The following PHACTR3 variants were observed in gnomAD, a reference collection of about 807,000 sequenced individuals.
PHACTR3 encodes protein phosphatase 1, regulatory subunit 123.
Under a neutral mutation model 66.8 loss-of-function variants are expected in PHACTR3, and 16 were observed. That is an observed-to-expected ratio of 0.24 (90% CI 0.16 to 0.36). The LOEUF (loss-of-function observed/expected upper bound fraction) is 0.36. Ranked by LOEUF, PHACTR3 falls within the 10% of genes least tolerant of loss-of-function variation. The pLI is 1.00. For synonymous variants in PHACTR3, 323 were observed against 292.1 expected (o/e 1.11, Z -1.08); for missense variants, 647 against 719.9 (o/e 0.90, Z 1.16).
intron 1 of PHACTR3, among the ~76,000 whole-genome samples, chr20:59,730,238 A>T (rs2038715136): frequency 6.6e-6 from 1 of 152,214 alleles, no homozygotes; most frequent in Non-Finnish European, 1.5e-5. Flanking sequence ...TGGAAAAATA[A>T]CAGGAAACCT....
At chr20:59,825,556 G>A (rs1008339814) in intron 8 of PHACTR3, among the ~76,000 whole-genome samples, 1 of 152,132 alleles carries the variant, frequency 6.6e-6, no homozygotes, top group Non-Finnish European at 1.5e-5. Flanking sequence ...TACCATTGAG[G>A]TACTCAAAAC....
At chr20:59,628,646 G>T in intron 1 of PHACTR3, 1 of 985,438 alleles carries the variant, frequency 1.0e-6, no homozygotes. Context: ...GAGAGGATCA[G>T]TTCATTCTCC....
At chr20:59,592,215 C>T (rs1259420484) in intron 1 of PHACTR3, among the ~76,000 whole-genome samples, 1 of 152,168 alleles carries the variant, frequency 6.6e-6, no homozygotes, top group East Asian at 1.9e-4. Flanking sequence ...CATGCTCTTT[C>T]CTTAGAGAGC....
chr20:59,789,905 T>C (rs1313652652), intron 7 of PHACTR3, among the ~76,000 whole-genome samples: 1 of 152,214 alleles, frequency 6.6e-6, no homozygotes, highest in Non-Finnish European at 1.5e-5. Context: ...CGACTGCCAA[T>C]CCTGGCTTGC....
chr20:59,779,087 C>A (rs550725550), intron 7 of PHACTR3, among the ~76,000 whole-genome samples: 1 of 152,300 alleles, frequency 6.6e-6, no homozygotes, highest in Non-Finnish European at 1.5e-5. Flanking sequence ...CTGAGAAACT[C>A]CTTGTTGAGG....
intron 1 of PHACTR3, among the ~76,000 whole-genome samples, chr20:59,615,130 C>T (rs2033986026): frequency 1.3e-5 from 2 of 152,018 alleles, no homozygotes; most frequent in African/African-American, 4.8e-5. Context: ...GTGTTCTTTC[C>T]AATCAAGCTT....
chr20:59,809,032 GATCTGAATGTT>G (rs757381857), intron 8 of PHACTR3, among the ~76,000 whole-genome samples: 44 of 152,208 alleles, frequency 2.9e-4, no homozygotes, highest in Non-Finnish European at 5.9e-4. Context: ...GAGAATCCAT[GATCTGAATGTT>G]GGACTCCCGC....
chr20:59,584,800 G>A (rs950547262), intron 1 of PHACTR3, among the ~76,000 whole-genome samples: 2 of 152,144 alleles, frequency 1.3e-5, no homozygotes, highest in Admixed American at 6.5e-5. Context: ...GCGAGACCTC[G>A]TCTGTGAAGC....
chr20:59,828,607 G>T (rs527753444), intron 8 of PHACTR3, among the ~76,000 whole-genome samples: 1 of 152,216 alleles, frequency 6.6e-6, no homozygotes, highest in Non-Finnish European at 1.5e-5. Flanking sequence ...CTGCGGACCC[G>T]TGTGAGGAGA....
intron 1 of PHACTR3, among the ~76,000 whole-genome samples, chr20:59,688,714 G>A (rs1272976413): frequency 1.3e-5 from 2 of 151,294 alleles, no homozygotes; most frequent in Non-Finnish European, 2.9e-5. Flanking sequence ...TTACATTTTT[G>A]TAAGCTGTGT....
chr20:59,640,509 C>T (rs1012306708), intron 1 of PHACTR3, among the ~76,000 whole-genome samples: 5 of 151,994 alleles, frequency 3.3e-5, no homozygotes, highest in African/African-American at 4.8e-5. Context: ...TGGGGAGGGG[C>T]GGGGACTGTA....
At chr20:59,583,756 C>T (rs1009605244) in intron 1 of PHACTR3, among the ~76,000 whole-genome samples, 1 of 152,174 alleles carries the variant, frequency 6.6e-6, no homozygotes, top group African/African-American at 2.4e-5. Flanking sequence ...ATGGGAGGAC[C>T]GGGGGTCTGG....
chr20:59,599,339 C>T (rs566638265), intron 1 of PHACTR3, among the ~76,000 whole-genome samples: 1 of 152,230 alleles, frequency 6.6e-6, no homozygotes, highest in Admixed American at 6.5e-5. Flanking sequence ...TGCCACCATC[C>T]AGGTCCTTGG....
At chr20:59,749,300 T>TA (rs61477495) in intron 3 of PHACTR3, among the ~76,000 whole-genome samples, 13,531 of 152,004 alleles carry the variant, frequency 0.089, 1,145 homozygotes, top group East Asian at 0.35. Flanking sequence ...TCATCTATTC[T>TA]AAAAAAAACA....
chr20:59,605,226 C>A, intron 1 of PHACTR3, 94 bp downstream of exon 1: 1 of 902,898 alleles, frequency 1.1e-6, no homozygotes, highest in Non-Finnish European at 1.5e-6. Context: ...GCCCCGCCTG[C>A]ATTCGGGGAG....
chr20:59,704,958 C>CTT (rs552743155), intron 1 of PHACTR3, among the ~76,000 whole-genome samples: 23 of 139,908 alleles, frequency 1.6e-4, no homozygotes, highest in African/African-American at 4.5e-4. Flanking sequence ...AAGACTTTCT[C>CTT]TTTTTTTTTT....
At chr20:59,720,990 A>G (rs760453534) in intron 1 of PHACTR3, among the ~76,000 whole-genome samples, 27 of 152,322 alleles carry the variant, frequency 1.8e-4, no homozygotes, top group Non-Finnish European at 2.9e-4. Context: ...CACGGTGCTT[A>G]GAAAAATGGA....
intron 1 of PHACTR3, among the ~76,000 whole-genome samples, chr20:59,720,777 A>G (rs894420791): frequency 2.0e-5 from 3 of 152,254 alleles, no homozygotes; most frequent in Admixed American, 6.5e-5. Flanking sequence ...CGCAGATTCC[A>G]GAAGGAACTG....
chr20:59,689,726 C>A (rs1430359066), intron 1 of PHACTR3, among the ~76,000 whole-genome samples: 1 of 152,138 alleles, frequency 6.6e-6, no homozygotes, highest in African/African-American at 2.4e-5. Context: ...GGGAGGGCAC[C>A]AACCTCTACC....
Sources: allele counts gnomAD v4.1 joint callset (sites outside exome capture counted in the v4.1 genomes callset), GRCh38; gene constraint gnomAD v4.1.1; transcripts MANE v1.5; gene names NCBI Gene and HGNC (gene_info 2026-07-23, HGNC 2026-07-21).